Variants in PHF21A observed in about 807,000 individuals in gnomAD.
The protein encoded by PHF21A is PHD finger protein 21A.
A neutral mutation model predicts 82.5 loss-of-function variants in PHF21A; 11 were observed. The ratio of observed to expected loss-of-function variants is 0.13; its 90% CI spans 0.08 to 0.22. The LOEUF (loss-of-function observed/expected upper bound fraction) is 0.22. Ranked by LOEUF, PHF21A falls within the 10% of genes least tolerant of loss-of-function variation. The pLI is 1.00. For missense variants in PHF21A, 579 were observed against 837.8 expected, an observed-to-expected ratio of 0.69 and a Z score of 3.81; for synonymous variants, 297 against 302.8, an observed-to-expected ratio of 0.98 and a Z score of 0.20.
chr11:46,001,081 C>A (rs1390136432), intron 6 of PHF21A, among the ~76,000 whole-genome samples: 1 of 152,020 alleles, frequency 6.6e-6, no homozygotes, highest in Non-Finnish European at 1.5e-5. Flanking sequence ...AATAGCTCAA[C>A]ATATCTTAAC....
At chr11:45,977,238 G>A (rs2094075624) in intron 7 of PHF21A, among the ~76,000 whole-genome samples, 1 of 150,522 alleles carries the variant, frequency 6.6e-6, no homozygotes, top group Admixed American at 6.7e-5. Context: ...CCGGGTTCAA[G>A]TGATTCTCAT....
intron 6 of PHF21A, among the ~76,000 whole-genome samples, chr11:45,980,569 T>C (rs1243933745): frequency 1.3e-5 from 2 of 152,176 alleles, no homozygotes; most frequent in African/African-American, 4.8e-5. Flanking sequence ...TATTCACAGG[T>C]GTAGTCATAG....
At chr11:46,053,607 A>G (rs1039338028) in intron 6 of PHF21A, among the ~76,000 whole-genome samples, 7 of 152,062 alleles carry the variant, frequency 4.6e-5, no homozygotes, top group Non-Finnish European at 1.0e-4. Flanking sequence ...AACCTTAATC[A>G]GTGTTTCATA....
intron 6 of PHF21A, among the ~76,000 whole-genome samples, chr11:46,014,342 T>C (rs559739270): frequency 8.1e-4 from 123 of 152,358 alleles, no homozygotes; most frequent in Non-Finnish European, 1.4e-3. Flanking sequence ...AAGGATATTA[T>C]GTTGTTCTTT....
At chr11:45,974,156 C>A (rs1052286278) in intron 7 of PHF21A, among the ~76,000 whole-genome samples, 1 of 152,152 alleles carries the variant, frequency 6.6e-6, no homozygotes, top group African/African-American at 2.4e-5. Flanking sequence ...TATACAGGCA[C>A]AAGACCTAGT....
At chr11:45,960,709 T>A (rs1331136756) in intron 10 of PHF21A, among the ~76,000 whole-genome samples, 1 of 152,106 alleles carries the variant, frequency 6.6e-6, no homozygotes, top group Non-Finnish European at 1.5e-5. Context: ...TAAAAAAAAA[T>A]TGGATTTAGA....
At chr11:45,935,310 T>TC in intron 18 of PHF21A, 3 of 1,233,582 alleles carry the variant, frequency 2.4e-6, no homozygotes, top group Non-Finnish European at 3.2e-6. Context: ...GGCGCTACAC[T>TC]CCCCCCACAC....
intron 4 of PHF21A, among the ~76,000 whole-genome samples, chr11:46,079,546 G>A (rs771921762): frequency 2.0e-5 from 3 of 152,154 alleles, no homozygotes; most frequent in Non-Finnish European, 4.4e-5. Flanking sequence ...CACAAAACCG[G>A]CCTGTTCATA....
chr11:45,991,942 C>T (rs943429052), intron 6 of PHF21A, among the ~76,000 whole-genome samples: 1 of 152,058 alleles, frequency 6.6e-6, no homozygotes, highest in African/African-American at 2.4e-5. Context: ...AACATGTAAA[C>T]TGATGATTAC....
At chr11:46,094,550 A>C (rs1489058769) in intron 1 of PHF21A, among the ~76,000 whole-genome samples, 1 of 152,222 alleles carries the variant, frequency 6.6e-6, no homozygotes, top group Non-Finnish European at 1.5e-5. Flanking sequence ...ATTTTTGGAA[A>C]AGTCTGCACA....
chr11:46,008,289 T>C (rs1403527370), intron 6 of PHF21A, among the ~76,000 whole-genome samples: 1 of 152,208 alleles, frequency 6.6e-6, no homozygotes, highest in African/African-American at 2.4e-5. Flanking sequence ...AATTTTCCTG[T>C]GTGTGTGTCC....
chr11:45,983,238 G>A (rs1302697357), intron 6 of PHF21A, among the ~76,000 whole-genome samples: 1 of 152,128 alleles, frequency 6.6e-6, no homozygotes, highest in African/African-American at 2.4e-5. Flanking sequence ...TGGAAGCTTG[G>A]GGTGGGGGCT....
rs568314035 is a variant in PHF21A, at chr11:46,083,073, A to G, written c.54+1093T>C. On this transcript the variant is annotated intron_variant, in intron 4 of 18. Transcript: ENST00000676320. ...GCCATTCAGCCAAACTGGGTATTCA[A>G]CACACCTCTATGTTAAACTAATTTC... Among the ~76,000 whole-genome samples, 3 of 152,300 alleles carry G rather than the reference A, an allele frequency of 2.0e-5. No individual in the cohort carries two copies. In the East Asian group the frequency reaches 5.8e-4, roughly 29 times the overall value.
chr11:46,043,985 C>T (rs572055462), intron 6 of PHF21A, among the ~76,000 whole-genome samples: 2 of 152,236 alleles, frequency 1.3e-5, no homozygotes, highest in South Asian at 4.1e-4. Context: ...GTAAATCAAA[C>T]AAACTGAGGA....
Position 45,967,367 on chromosome 11 carries a change from TAA to T in PHF21A, c.703-1761_703-1760del, listed in dbSNP as rs66525187. Among the ~76,000 whole-genome samples, 1,097 of 144,714 alleles carry T rather than the reference TAA, an allele frequency of 7.6e-3. 1 individual carries two copies. Among genetic ancestry groups the T allele is most frequent in the East Asian group, 0.012 (61 of 4,940 alleles). 94.9% of individuals were successfully genotyped at this position (144,714 alleles called of 152,430 possible). On this transcript the variant is annotated intron_variant, in intron 9 of 18. Coordinates refer to ENST00000676320, the MANE Select transcript of PHF21A (RefSeq NM_001352027.3). The stretch of plus-strand genomic sequence containing the variant: ...TGGGTGATAGAGTGAGACCCTGTCT[TAA>T]AAAAAAAAAAAAAAATCCCTTATTG...
At chr11:45,997,552 C>T (rs546476833) in intron 6 of PHF21A, among the ~76,000 whole-genome samples, 9 of 151,806 alleles carry the variant, frequency 5.9e-5, no homozygotes, top group Non-Finnish European at 1.0e-4. Context: ...CAGTGACAAT[C>T]AGATTTCTCC....
chr11:46,111,553 T>C (rs1005075449), intron 1 of PHF21A, among the ~76,000 whole-genome samples: 13 of 152,298 alleles, frequency 8.5e-5, no homozygotes, highest in Admixed American at 2.0e-4. Flanking sequence ...AGCAACAATA[T>C]TGTAAGAACT....
chr11:45,934,383 C>G, intron 18 of PHF21A, 158 bp from the exon 19 acceptor site: 1 of 670,658 alleles, frequency 1.5e-6, no homozygotes, highest in Non-Finnish European at 2.5e-6. Flanking sequence ...GTGGAGTGGG[C>G]GGCTACCACC....
intron 6 of PHF21A, among the ~76,000 whole-genome samples, chr11:46,016,101 G>A (rs974795701): frequency 8.5e-5 from 13 of 152,160 alleles, no homozygotes; most frequent in Admixed American, 2.6e-4. Flanking sequence ...CCACAAACAT[G>A]AGTAATGTAT....
Sources: allele counts gnomAD v4.1 joint callset (sites outside exome capture counted in the v4.1 genomes callset), GRCh38; gene constraint gnomAD v4.1.1; transcripts MANE v1.5; gene names NCBI Gene and HGNC (gene_info 2026-07-23, HGNC 2026-07-21).